The following MCTP1 variants were observed in gnomAD, a reference collection of about 807,000 sequenced individuals.
MCTP1 encodes multiple C2 and transmembrane domain-containing protein 1.
MCTP1 carries 69 observed loss-of-function variants against 120.6 expected under a neutral mutation model. That is an observed-to-expected ratio of 0.57 (90% CI 0.47 to 0.70). MCTP1 has a LOEUF of 0.70. MCTP1 is among the 30% of genes least tolerant of loss of function. MCTP1 has a pLI of 0.00. For synonymous variants in MCTP1, 529 were observed against 493.1 expected (o/e 1.07, Z -0.96); for missense variants, 1,203 against 1,248.8 (o/e 0.96, Z 0.55).
chr5:95,006,197 G>A (rs1581798696), intron 2 of MCTP1, among the ~76,000 whole-genome samples: 1 of 151,960 alleles, frequency 6.6e-6, no homozygotes, highest in East Asian at 1.9e-4. Context: ...GATGTTATTT[G>A]AGGACCCGCT....
intron 1 of MCTP1, among the ~76,000 whole-genome samples, chr5:95,143,154 T>C (rs922095837): frequency 1.3e-5 from 2 of 152,178 alleles, no homozygotes; most frequent in African/African-American, 2.4e-5. Flanking sequence ...CATGAAGCCC[T>C]GCTCATCCTT....
At chr5:94,962,166 T>G (rs1268732588) in intron 2 of MCTP1, among the ~76,000 whole-genome samples, 2 of 151,652 alleles carry the variant, frequency 1.3e-5, no homozygotes, top group Non-Finnish European at 1.5e-5. Context: ...GTGGATGGGG[T>G]AGAAAGGGAA....
intron 1 of MCTP1, among the ~76,000 whole-genome samples, chr5:95,278,066 T>C (rs961210669): frequency 2.0e-5 from 3 of 151,784 alleles, no homozygotes; most frequent in Non-Finnish European, 4.4e-5. Flanking sequence ...TTTAGGGACA[T>C]TGCAGCCTGA....
At chr5:94,847,682 G>GTGTATATATATATATATA (rs1169588105) in intron 17 of MCTP1, among the ~76,000 whole-genome samples, 6 of 102,374 alleles carry the variant, frequency 5.9e-5, no homozygotes, top group African/African-American at 2.3e-4. Context: ...GTGTGTGTGT[G>GTGTATATATATATATATA]TATATATATA....
At chr5:95,027,578 G>A (rs1318778846) in intron 1 of MCTP1, among the ~76,000 whole-genome samples, 1 of 152,172 alleles carries the variant, frequency 6.6e-6, no homozygotes, top group African/African-American at 2.4e-5. Context: ...TATAGTAGAG[G>A]GTGGAGTGTG....
At chr5:95,231,428 C>T (rs1008932542) in intron 1 of MCTP1, among the ~76,000 whole-genome samples, 2 of 152,146 alleles carry the variant, frequency 1.3e-5, no homozygotes, top group African/African-American at 4.8e-5. Context: ...GAAACAACAA[C>T]AGCCACAAAA....
intron 1 of MCTP1, among the ~76,000 whole-genome samples, chr5:95,099,710 T>G (rs1429455746): frequency 2.6e-5 from 4 of 151,710 alleles, no homozygotes; most frequent in Middle Eastern, 3.4e-3. Context: ...TGGAAGTCAG[T>G]GCGGCGATTC....
chr5:94,925,431 CAG>C (rs1812805203), intron 6 of MCTP1, among the ~76,000 whole-genome samples: 1 of 151,640 alleles, frequency 6.6e-6, no homozygotes, highest in Non-Finnish European at 1.5e-5. Flanking sequence ...TTTTTTGAGA[CAG>C]AGTCTTGCTC....
intron 1 of MCTP1, among the ~76,000 whole-genome samples, chr5:95,168,209 C>T (rs1236411164): frequency 2.6e-5 from 4 of 151,974 alleles, no homozygotes; most frequent in Non-Finnish European, 4.4e-5. Flanking sequence ...TAGTTGTAGA[C>T]GTGTGGTAGT....
intron 21 of MCTP1, chr5:94,710,180 G>T (rs1352296556): frequency 1.3e-5 from 2 of 152,044 alleles, no homozygotes; most frequent in Non-Finnish European, 2.9e-5. Flanking sequence ...AAAAAAAGAA[G>T]AATGCTGCAA....
At chr5:94,841,036 G>C (rs938390822) in intron 17 of MCTP1, among the ~76,000 whole-genome samples, 1 of 152,192 alleles carries the variant, frequency 6.6e-6, no homozygotes, top group Admixed American at 6.5e-5. Context: ...CTCAATGTGG[G>C]CAGCATCTTT....
At chr5:94,931,538 T>A (rs1287440150) in intron 6 of MCTP1, 1 of 160,564 alleles carries the variant, frequency 6.2e-6, no homozygotes, top group Non-Finnish European at 1.4e-5. Flanking sequence ...AAAGATGTAA[T>A]GATACAGGAA....
intron 1 of MCTP1, among the ~76,000 whole-genome samples, chr5:95,268,446 G>A (rs1759085330): frequency 6.6e-6 from 1 of 152,186 alleles, no homozygotes; most frequent in Non-Finnish European, 1.5e-5. Flanking sequence ...ATACTCATGA[G>A]CAGATGTAGG....
intron 19 of MCTP1, among the ~76,000 whole-genome samples, chr5:94,755,487 C>T (rs568477303): frequency 5.3e-5 from 8 of 152,196 alleles, no homozygotes; most frequent in African/African-American, 9.7e-5. Flanking sequence ...TTGCCTTCTG[C>T]GTTCTGCTCT....
intron 18 of MCTP1, among the ~76,000 whole-genome samples, chr5:94,798,594 C>T (rs1303681993): frequency 6.6e-6 from 1 of 152,230 alleles, no homozygotes; most frequent in Non-Finnish European, 1.5e-5. Flanking sequence ...ATCCTTCATT[C>T]TTCCAATGAC....
chr5:95,030,842 T>A (rs1840145642), intron 1 of MCTP1, among the ~76,000 whole-genome samples: 1 of 151,416 alleles, frequency 6.6e-6, no homozygotes, highest in Admixed American at 6.6e-5. Context: ...AAAAAACAGA[T>A]AAAGAACTCA....
rs1210937356 is a variant in MCTP1 at position 94,871,352 on chromosome 5, G to A, written c.2102C>T (p.Ala701Val). The change falls in exon 14 of 23, where the codon GCT (alanine) becomes GTT (valine). Residue 701 changes from alanine to valine, a missense_variant. Around this residue, in one of 2 missense-constraint regions of MCTP1, gnomAD observed 740 missense variants for 871.1 expected, o/e 0.85. Coordinates refer to ENST00000515393, the MANE Select transcript of MCTP1 (RefSeq NM_024717.7). ...TVYDEDRDRSADFLGKVAIPL... is the reference protein window; with the variant it reads ...TVYDEDRDRSVDFLGKVAIPL... ...TATAGCAACTTTGCCCAGAAAGTCA[G>A]CACTTCGATCCCGATCTTCATCATA... 1 of 1,612,128 alleles carries A rather than the reference G, an allele frequency of 6.2e-7. No individual in the cohort carries two copies. Among genetic ancestry groups the A allele is most frequent in the Admixed American group, 1.7e-5 (1 of 59,882 alleles).
intron 17 of MCTP1, among the ~76,000 whole-genome samples, chr5:94,852,834 C>A (rs768346113): frequency 9.2e-5 from 14 of 151,892 alleles, no homozygotes; most frequent in Non-Finnish European, 1.8e-4. Flanking sequence ...ATCTTTGTTA[C>A]ATTCTCTGCA....
rs1249974859 is a variant in MCTP1 at position 94,873,186 on chromosome 5, A to G, written c.1989T>C (p.His663=). The G allele has an allele frequency of 1.9e-6, 3 of 1,611,286 alleles. No individual in the cohort carries two copies. The highest frequency in any genetic ancestry group is 1.1e-5 in the South Asian group (1 of 90,982). The change falls in exon 13 of 23, where the codon CAT becomes CAC. Residue 663 remains histidine (H), a synonymous_variant. Transcript: ENST00000515393. ...VELNNDRLLT[H]TVYKNLNPEW... The stretch of plus-strand genomic sequence containing the variant: ...CAGGATTGAGATTTTTGTAGACAGT[A>G]TGTGTTAGCAGTCTATCGTTGTTCA...
Sources: allele counts gnomAD v4.1 joint callset (sites outside exome capture counted in the v4.1 genomes callset), GRCh38; gene constraint gnomAD v4.1.1; regional missense constraint gnomAD v4.1.1; transcripts MANE v1.5; gene names NCBI Gene and HGNC (gene_info 2026-07-23, HGNC 2026-07-21).